The following LUZP2 variants were observed in gnomAD, a reference collection of about 807,000 sequenced individuals.
The protein encoded by LUZP2 is leucine zipper protein 2.
Under a neutral mutation model 51.6 loss-of-function variants are expected in LUZP2, and 52 were observed. That is an observed-to-expected ratio of 1.01 (90% CI 0.81 to 1.27). LUZP2 has a LOEUF of 1.27. LUZP2 is among the 50% of genes most tolerant of loss of function. LUZP2 has a pLI of 0.00. For synonymous variants in LUZP2, 154 were observed against 137.3 expected, an observed-to-expected ratio of 1.12 and a Z score of -0.85; for missense variants, 436 against 395.4, an observed-to-expected ratio of 1.10 and a Z score of -0.87.
intron 1 of LUZP2, among the ~76,000 whole-genome samples, chr11:24,691,016 T>C (rs1264044234): frequency 1.3e-5 from 2 of 152,060 alleles, no homozygotes; most frequent in East Asian, 3.9e-4. Context: ...AATGCAGTTT[T>C]CATAATTATA....
chr11:24,872,085 G>A (rs547074299), intron 5 of LUZP2, among the ~76,000 whole-genome samples: 2 of 152,066 alleles, frequency 1.3e-5, no homozygotes, highest in Non-Finnish European at 2.9e-5. Context: ...CTCCCTGCAT[G>A]TTATGTATAT....
At chr11:24,568,189 G>A (rs549936066) in intron 1 of LUZP2, among the ~76,000 whole-genome samples, 20 of 151,840 alleles carry the variant, frequency 1.3e-4, no homozygotes, top group African/African-American at 3.4e-4. Context: ...GCGAAACCCT[G>A]TCTCTACTAA....
rs144707679 is a variant in LUZP2 at position 24,606,529 on chromosome 11, T to A, written c.62+109224T>A. Among the ~76,000 whole-genome samples, 1,201 of 152,156 alleles carry A rather than the reference T, an allele frequency of 7.9e-3. 17 individuals carry two copies. The highest frequency in any genetic ancestry group is 0.027 in the African/African-American group (1,136 of 41,556). On this transcript the variant is annotated intron_variant, in intron 1 of 11. Coordinates refer to ENST00000336930, the MANE Select transcript of LUZP2 (RefSeq NM_001009909.4). ...CTCACTATCATATGAGTGACAATTC[T>A]TTTTTCATCAATCTTTCCAAAGATG...
chr11:24,582,670 T>G (rs553353802), intron 1 of LUZP2, among the ~76,000 whole-genome samples: 5 of 152,268 alleles, frequency 3.3e-5, no homozygotes, highest in African/African-American at 1.2e-4. Context: ...TAGAATTATG[T>G]TTTTTCTATG....
chr11:24,594,972 G>A (rs1380370014), intron 1 of LUZP2, among the ~76,000 whole-genome samples: 1 of 151,490 alleles, frequency 6.6e-6, no homozygotes, highest in Non-Finnish European at 1.5e-5. Context: ...ATATTGTTCA[G>A]GCTGGTCTCG....
intron 5 of LUZP2, among the ~76,000 whole-genome samples, chr11:24,772,458 A>G (rs1038757311): frequency 1.3e-5 from 2 of 152,210 alleles, no homozygotes; most frequent in Non-Finnish European, 2.9e-5. Flanking sequence ...TGAGTCCAGG[A>G]CACACCCAAG....
intron 7 of LUZP2, among the ~76,000 whole-genome samples, chr11:24,949,591 A>G (rs1855015693): frequency 6.6e-6 from 1 of 151,562 alleles, no homozygotes; most frequent in Non-Finnish European, 1.5e-5. Context: ...GTCATGTCAG[A>G]GTAAACATTA....
intron 7 of LUZP2, among the ~76,000 whole-genome samples, chr11:24,931,219 TAAAATA>T (rs908973344): frequency 2.9e-4 from 11 of 37,900 alleles, no homozygotes; most frequent in Non-Finnish European, 6.6e-4. Flanking sequence ...CAAAATAAAA[TAAAATA>T]AAATAAAATA....
rs1336899587 is a variant in LUZP2 at position 24,951,168 on chromosome 11, G to C, written c.523-25423G>C. 3.3e-5 allele frequency among the ~76,000 whole-genome samples: 5 copies of C among 151,694 alleles called. No homozygotes were observed. In the East Asian group the frequency reaches 9.7e-4, roughly 29 times the overall value. ...GCGAGAATATACTTAATTACTGAAT[G>C]CTGGGTATCAGGTGTATGGGTACCA... On this transcript the variant is annotated intron_variant, in intron 7 of 11. Coordinates refer to ENST00000336930, the MANE Select transcript of LUZP2 (RefSeq NM_001009909.4).
chr11:24,741,882 T>C (rs1216717323), intron 4 of LUZP2, among the ~76,000 whole-genome samples: 1 of 139,510 alleles, frequency 7.2e-6, no homozygotes, highest in Admixed American at 7.6e-5. Flanking sequence ...TTTATAAATA[T>C]ATATTTATAT....
At chr11:24,605,984 C>T (rs1314947342) in intron 1 of LUZP2, among the ~76,000 whole-genome samples, 1 of 151,806 alleles carries the variant, frequency 6.6e-6, no homozygotes, top group Non-Finnish European at 1.5e-5. Context: ...ACTTATCCCA[C>T]TTAGCATAAT....
At chr11:24,935,327 A>G (rs1854558835) in intron 7 of LUZP2, among the ~76,000 whole-genome samples, 1 of 152,164 alleles carries the variant, frequency 6.6e-6, no homozygotes, top group Non-Finnish European at 1.5e-5. Context: ...GGGGAAAATC[A>G]TTCCCTTTGT....
chr11:24,774,362 C>CTCTCTCTATA (rs776739280), intron 5 of LUZP2, among the ~76,000 whole-genome samples: 128 of 76,322 alleles, frequency 1.7e-3, no homozygotes, highest in African/African-American at 3.4e-3. Context: ...CTCTCTCTCT[C>CTCTCTCTATA]TATATATATA....
intron 7 of LUZP2, among the ~76,000 whole-genome samples, chr11:24,973,734 T>C (rs1254271645): frequency 6.6e-6 from 1 of 152,024 alleles, no homozygotes; most frequent in African/African-American, 2.4e-5. Flanking sequence ...CTATGTAGTT[T>C]TGTGGTTTTG....
At chr11:24,587,652 T>C (rs923924311) in intron 1 of LUZP2, among the ~76,000 whole-genome samples, 50 of 152,230 alleles carry the variant, frequency 3.3e-4, no homozygotes, top group African/African-American at 1.1e-3. Flanking sequence ...AAACATCTTG[T>C]GATGACTACA....
chr11:24,533,257 T>A (rs1851069000), intron 1 of LUZP2, among the ~76,000 whole-genome samples: 1 of 151,280 alleles, frequency 6.6e-6, no homozygotes, highest in South Asian at 2.1e-4. Flanking sequence ...CAATTCTGTG[T>A]GTGGGAAGTT....
At chr11:24,908,886 G>T (rs1853542987) in intron 6 of LUZP2, among the ~76,000 whole-genome samples, 2 of 151,452 alleles carry the variant, frequency 1.3e-5, no homozygotes, top group Admixed American at 6.6e-5. Flanking sequence ...CTCCTGAGTA[G>T]CTGGGACTAT....
At chr11:25,022,896 A>T (rs1327672403) in intron 9 of LUZP2, among the ~76,000 whole-genome samples, 1 of 152,082 alleles carries the variant, frequency 6.6e-6, no homozygotes, top group Non-Finnish European at 1.5e-5. Context: ...TTCTGTGTCT[A>T]TTGAGATAAT....
intron 1 of LUZP2, among the ~76,000 whole-genome samples, chr11:24,656,560 G>T (rs1251110841): frequency 6.6e-6 from 1 of 152,104 alleles, no homozygotes; most frequent in Non-Finnish European, 1.5e-5. Flanking sequence ...GTGTCTGCAG[G>T]GCCTCATTCC....
Sources: allele counts gnomAD v4.1 joint callset (sites outside exome capture counted in the v4.1 genomes callset), GRCh38; gene constraint gnomAD v4.1.1; transcripts MANE v1.5; gene names NCBI Gene and HGNC (gene_info 2026-07-23, HGNC 2026-07-21).